The following FRMD4A variants were observed in gnomAD, a reference collection of about 807,000 sequenced individuals.
FRMD4A encodes FERM domain containing 4A.
In FRMD4A, 29 loss-of-function variants were observed where a neutral mutation model predicts 129.1. That is an observed-to-expected ratio of 0.22 (90% CI 0.17 to 0.31). The LOEUF (loss-of-function observed/expected upper bound fraction) is 0.31, where lower values mean the gene tolerates loss of function less well. Among genes scored for constraint, FRMD4A ranks in the 10% least tolerant of loss-of-function variants. The probability of loss-of-function intolerance (pLI) is 1.00; values close to 1 mark genes in which losing one functional copy is unlikely to be tolerated. For synonymous variants in FRMD4A, 634 were observed against 571.6 expected (o/e 1.11, Z -1.56); for missense variants, 1,272 against 1,375.8 (o/e 0.92, Z 1.19).
intron 2 of FRMD4A, among the ~76,000 whole-genome samples, chr10:13,870,123 G>A (rs557673923): frequency 1.2e-4 from 19 of 152,244 alleles, no homozygotes; most frequent in Non-Finnish European, 2.5e-4. Flanking sequence ...TCTGAACAGA[G>A]GCAGAGGCTA....
chr10:13,810,141 G>C (rs1030784129), intron 4 of FRMD4A, among the ~76,000 whole-genome samples: 1 of 152,178 alleles, frequency 6.6e-6, no homozygotes, highest in Non-Finnish European at 1.5e-5. Context: ...AGAGGAAAGA[G>C]AATTATGAAC....
chr10:14,026,394 T>G (rs963117493), intron 2 of FRMD4A, among the ~76,000 whole-genome samples: 1 of 152,162 alleles, frequency 6.6e-6, no homozygotes, highest in Non-Finnish European at 1.5e-5. Flanking sequence ...AAAAGCAGAT[T>G]TGGAGTCTTG....
At chr10:14,253,666 T>C (rs1844514670) in intron 2 of FRMD4A, among the ~76,000 whole-genome samples, 2 of 152,328 alleles carry the variant, frequency 1.3e-5, no homozygotes, top group South Asian at 4.2e-4. Context: ...TGGATAAAGA[T>C]TCTTCACTGG....
At chr10:13,976,480 C>G (rs1170585596) in intron 2 of FRMD4A, among the ~76,000 whole-genome samples, 1 of 152,158 alleles carries the variant, frequency 6.6e-6, no homozygotes, top group Non-Finnish European at 1.5e-5. Context: ...TTCCCTATCT[C>G]GGAGTTTCTG....
intron 2 of FRMD4A, among the ~76,000 whole-genome samples, chr10:14,053,360 A>G (rs550016213): frequency 5.9e-5 from 9 of 152,166 alleles, no homozygotes; most frequent in African/African-American, 1.2e-4. Context: ...ACCTCTCACA[A>G]CATGAGGATT....
chr10:13,736,453 C>T (rs989708883), intron 12 of FRMD4A, among the ~76,000 whole-genome samples: 1 of 152,206 alleles, frequency 6.6e-6, no homozygotes, highest in African/African-American at 2.4e-5. Context: ...CGCCAAAGAG[C>T]CAGGTTCTTC....
chr10:13,704,053 C>A (rs1373717785), intron 13 of FRMD4A, among the ~76,000 whole-genome samples: 1 of 152,060 alleles, frequency 6.6e-6, no homozygotes, highest in Non-Finnish European at 1.5e-5. Context: ...GCCATGGATA[C>A]CCCACGTACC....
rs753705503 is a variant in FRMD4A at position 13,740,223 on chromosome 10, T to C, written c.643A>G (p.Thr215Ala). 1 of 1,610,068 alleles carries C rather than the reference T, an allele frequency of 6.2e-7. No individual in the cohort carries two copies. The highest frequency in any genetic ancestry group is 1.7e-5 in the Admixed American group (1 of 60,004). Residue 215 changes from threonine to alanine, a missense_variant, in exon 11 of 25, where the codon ACC becomes GCC. By Grantham distance (58) the Thr-to-Ala change is moderately conservative. Transcript: ENST00000357447. ...ACTGCATAATAGTGAACCCCGTAGG[T>C]TGGGAGAGACTCCACGATGCTCATG... ...NYMSIVESLP[T>A]YGVHYYAVKD...
chr10:14,005,889 A>G (rs1435903787), intron 2 of FRMD4A, among the ~76,000 whole-genome samples: 1 of 152,222 alleles, frequency 6.6e-6, no homozygotes, highest in Non-Finnish European at 1.5e-5. Flanking sequence ...AAGCAGGGGA[A>G]TGAACTGAAA....
At chr10:13,774,659 G>A (rs960215318) in intron 6 of FRMD4A, among the ~76,000 whole-genome samples, 11 of 152,164 alleles carry the variant, frequency 7.2e-5, no homozygotes, top group African/African-American at 1.7e-4. Context: ...AGCTTGCGAC[G>A]GGATCACGTC....
At chr10:13,716,993 C>T (rs184223263) in intron 12 of FRMD4A, among the ~76,000 whole-genome samples, 78 of 152,302 alleles carry the variant, frequency 5.1e-4, no homozygotes, top group Non-Finnish European at 1.0e-3. Context: ...CTCAGAGTGC[C>T]CCAAGGGACT....
chr10:13,881,993 GTGTGTGTGTGTGTGTGTGTGTGTGT>G (rs2094552187), intron 2 of FRMD4A, among the ~76,000 whole-genome samples: 9 of 146,244 alleles, frequency 6.2e-5, no homozygotes, highest in East Asian at 2.2e-4. Context: ...AGGCAAGGGT[GTGTGTGTGTGTGTGTGTGTGTGTGT>G]GTGTGTGTGT....
intron 2 of FRMD4A, among the ~76,000 whole-genome samples, chr10:14,098,476 T>C (rs1204257458): frequency 6.6e-6 from 1 of 152,008 alleles, no homozygotes; most frequent in Non-Finnish European, 1.5e-5. Context: ...CGATCTTGGC[T>C]CACTGCAAGC....
chr10:14,131,229 A>G (rs919258289), intron 2 of FRMD4A, among the ~76,000 whole-genome samples: 13 of 152,344 alleles, frequency 8.5e-5, no homozygotes, highest in African/African-American at 1.7e-4. Flanking sequence ...TCTAACGACA[A>G]CACATCTAAA....
At chr10:13,677,880 A>G (rs2084135936) in intron 15 of FRMD4A, among the ~76,000 whole-genome samples, 1 of 152,204 alleles carries the variant, frequency 6.6e-6, no homozygotes, top group African/African-American at 2.4e-5. Context: ...ACAGACCTAG[A>G]GAAACTTGGG....
intron 2 of FRMD4A, among the ~76,000 whole-genome samples, chr10:14,160,439 G>A (rs1840825533): frequency 1.3e-5 from 2 of 152,060 alleles, no homozygotes; most frequent in South Asian, 2.1e-4. Context: ...TAGACAAGTG[G>A]AACTACATTA....
At chr10:13,848,426 T>C (rs1371233949) in intron 3 of FRMD4A, among the ~76,000 whole-genome samples, 6 of 151,784 alleles carry the variant, frequency 4.0e-5, no homozygotes, top group Non-Finnish European at 7.4e-5. Context: ...CAGGTTAAAA[T>C]TGGCATCAAA....
In FRMD4A at chr10:13,726,463, A is replaced by G. The variant is rs141448022; in HGVS notation, c.759+11381T>C. Among the ~76,000 whole-genome samples, 610 of 152,280 alleles carry G rather than the reference A, an allele frequency of 4.0e-3. 3 individuals carry two copies. Among genetic ancestry groups the G allele is most frequent in the African/African-American group, 0.014 (581 of 41,552 alleles). ...ATGTCTTCATAACAACAGCAAAACAACGAAGTAGGATCTCATAGAAAGGTC... is the reference window on the plus strand; with the variant it reads ...ATGTCTTCATAACAACAGCAAAACAGCGAAGTAGGATCTCATAGAAAGGTC... On this transcript the variant is annotated intron_variant, in intron 12 of 24. Transcript: ENST00000357447.
At chr10:13,740,482 C>T (rs1418222351) in intron 10 of FRMD4A, 30 bp downstream of exon 10, 3 of 1,329,772 alleles carry the variant, frequency 2.3e-6, no homozygotes, top group Non-Finnish European at 3.2e-6. Flanking sequence ...CAAACACTGT[C>T]CCCATGTGAG....
Sources: gnomAD v4.1 joint callset for allele counts (sites outside exome capture counted in the v4.1 genomes callset) on GRCh38, gnomAD v4.1.1 for gene constraint, MANE v1.5 for transcripts, NCBI Gene and HGNC (gene_info 2026-07-23, HGNC 2026-07-21) for gene names.